Variants in FNIP2 observed in about 807,000 individuals in gnomAD.
FNIP2 encodes folliculin interacting protein 2.
In FNIP2, 32 loss-of-function variants were observed where a neutral mutation model predicts 108.7. The ratio of observed to expected loss-of-function variants is 0.29; its 90% CI spans 0.22 to 0.40. FNIP2 has a LOEUF of 0.40. FNIP2 is among the 10% of genes least tolerant of loss of function. The probability of loss-of-function intolerance (pLI) is 1.00; values close to 1 mark genes in which losing one functional copy is unlikely to be tolerated. For missense variants in FNIP2, 1,202 were observed against 1,381.6 expected, an observed-to-expected ratio of 0.87 and a Z score of 2.06; for synonymous variants, 480 against 496.7, an observed-to-expected ratio of 0.97 and a Z score of 0.45.
At chr4:158,799,224 A>G (rs922958734) in intron 1 of FNIP2, among the ~76,000 whole-genome samples, 1 of 152,226 alleles carries the variant, frequency 6.6e-6, no homozygotes, top group Non-Finnish European at 1.5e-5. Context: ...CTGCTGAGGA[A>G]TCCAGGCATC....
At chr4:158,871,527 G>A in intron 14 of FNIP2, 1 of 985,180 alleles carries the variant, frequency 1.0e-6, no homozygotes, top group Non-Finnish European at 1.2e-6. Context: ...TGTGAAGTGG[G>A]AAAAAAACTC....
rs368686678 is a variant in FNIP2 at position 158,832,007 on chromosome 4, T to C, written c.482+46T>C. 1.7e-4 allele frequency: 272 copies of C among 1,596,080 alleles called. No homozygotes were observed. In the Middle Eastern group the frequency reaches 2.1e-3, roughly 13 times the overall value. ...CTACTAGTTTTGAGAAGTGGAACGGTGGTATTGACTCCTTAACTCATAAAT... is the reference window on the plus strand; with the variant it reads ...CTACTAGTTTTGAGAAGTGGAACGGCGGTATTGACTCCTTAACTCATAAAT... On this transcript the variant is annotated intron_variant, in intron 4 of 16. Transcript: ENST00000264433.
chr4:158,859,224 C>A lies in FNIP2; in HGVS notation c.1025C>A (p.Ser342Tyr). 6.2e-7 allele frequency: 1 copy of A among 1,611,366 alleles called. No individual in the cohort carries two copies. The highest frequency in any genetic ancestry group is 8.5e-7 in the Non-Finnish European group (1 of 1,178,514). Residue 342 changes from serine (S) to tyrosine (Y), a missense_variant, in exon 9 of 17, where the codon TCT becomes TAT. Ser to Tyr is a moderately radical substitution (Grantham distance 144). This residue lies in a region of FNIP2 where 878 missense variants were observed against 990.3 expected (regional missense o/e 0.89). Coordinates refer to ENST00000264433, the MANE Select transcript of FNIP2 (RefSeq NM_020840.3). ...TTTTCTCATTTTCCCCTGTTTGAAT[C>A]TCACATGAACAGGCTGAAGAGTGCA... ...FFFSHFPLFE[S>Y]HMNRLKSAIE...
intron 14 of FNIP2, among the ~76,000 whole-genome samples, chr4:158,875,522 A>ATATATG (rs1186698365): frequency 4.3e-5 from 3 of 69,330 alleles, no homozygotes; most frequent in Non-Finnish European, 8.0e-5. Context: ...TGTGATATAT[A>ATATATG]TATATATATA....
chr4:158,789,984 A>C (rs1273914700), intron 1 of FNIP2, among the ~76,000 whole-genome samples: 1 of 152,146 alleles, frequency 6.6e-6, no homozygotes, highest in Non-Finnish European at 1.5e-5. Flanking sequence ...GAGCATTGAC[A>C]TGACACGTCA....
At chr4:158,862,404 G>A (rs1780346921) in intron 12 of FNIP2, among the ~76,000 whole-genome samples, 2 of 152,246 alleles carry the variant, frequency 1.3e-5, no homozygotes, top group African/African-American at 2.4e-5. Flanking sequence ...GCTCTTGGTC[G>A]TGAGATGTAT....
chr4:158,907,136 GT>G lies in FNIP2; in HGVS notation c.*2594del, dbSNP rs1729911651. On this transcript the variant is annotated 3_prime_UTR_variant, in exon 17 of 17. Transcript: ENST00000264433. ...CCTGTGATGGACCTCTTTCTAGCATGTTGCAGTTTTATTTTTAATAAATTGG... is the reference window on the plus strand; with the variant it reads ...CCTGTGATGGACCTCTTTCTAGCATGTGCAGTTTTATTTTTAATAAATTGG... 6.6e-6 allele frequency: 1 copy of G among 152,158 alleles called. No individual in the cohort carries two copies. The highest frequency in any genetic ancestry group is 2.4e-5 in the African/African-American group (1 of 41,448). The allele number at this position is 152,158 out of a possible 1,614,324, so 9.4% of individuals were successfully genotyped here. A position where few individuals can be genotyped will look rare whatever the true frequency, so the allele number is the denominator to read the frequency against.
Position 158,851,417 on chromosome 4 carries a change from C to T in FNIP2, c.824C>T (p.Thr275Ile). The T allele has an allele frequency of 1.2e-6, 2 of 1,613,926 alleles. No individual in the cohort carries two copies. Among genetic ancestry groups the T allele is most frequent in the Non-Finnish European group, 1.7e-6 (2 of 1,179,864 alleles). The change falls in exon 8 of 17, where the codon ACA (threonine) becomes ATA (isoleucine). Residue 275 changes from threonine (T) to isoleucine (I), a missense_variant. Thr to Ile is a moderately conservative substitution (Grantham distance 89, BLOSUM62 -1). Around this residue, in one of 5 missense-constraint regions of FNIP2, gnomAD observed 878 missense variants for 990.3 expected, o/e 0.89. Transcript: ENST00000264433. ...SYQRRWLRSQ[T>I]TSLENGIIPR... ...CAGCGCCGCTGGCTTCGAAGTCAGA[C>T]AACAAGTTTGGAAAATGGCATCATC...
intron 1 of FNIP2, among the ~76,000 whole-genome samples, chr4:158,822,027 A>G (rs1777910450): frequency 6.6e-6 from 1 of 152,044 alleles, no homozygotes; most frequent in Admixed American, 6.5e-5. Flanking sequence ...GGTTGAGGCT[A>G]TGGTGAACCG....
chr4:158,818,242 C>T (rs1274495586), intron 1 of FNIP2, among the ~76,000 whole-genome samples: 2 of 152,214 alleles, frequency 1.3e-5, no homozygotes, highest in African/African-American at 2.4e-5. Context: ...GTGACCTTTG[C>T]TACCATTTAC....
rs879851784 is a variant in FNIP2 at position 158,873,145 on chromosome 4, T to TA, written c.2949+2689dup. On this transcript the variant is annotated intron_variant, in intron 14 of 16. Coordinates refer to ENST00000264433, the MANE Select transcript of FNIP2 (RefSeq NM_020840.3). ...CTTCATCTCAAAAATAAAATAGCGT[T>TA]AAAAAAAAAAAAAGAAAAAACAAAC... Among the ~76,000 whole-genome samples, 422 of 140,028 alleles carry TA rather than the reference T, an allele frequency of 3.0e-3. 3 individuals carry two copies. The highest frequency in any genetic ancestry group is 0.011 in the Middle Eastern group (3 of 272). 91.9% of individuals were successfully genotyped at this position (140,028 alleles called of 152,430 possible). A position where few individuals can be genotyped will look rare whatever the true frequency, so the allele number is the denominator to read the frequency against.
chr4:158,826,755 G>A (rs1041715267), intron 2 of FNIP2, among the ~76,000 whole-genome samples: 4 of 152,082 alleles, frequency 2.6e-5, no homozygotes, highest in African/African-American at 7.2e-5. Flanking sequence ...TCCTTTCTGG[G>A]TCTTTTTTGG....
chr4:158,807,055 T>C (rs1777007132), intron 1 of FNIP2, among the ~76,000 whole-genome samples: 1 of 152,226 alleles, frequency 6.6e-6, no homozygotes, highest in East Asian at 1.9e-4. Flanking sequence ...TTATTAGTGG[T>C]ACTTAATTGA....
At chr4:158,822,036 C>T (rs924456071) in intron 1 of FNIP2, among the ~76,000 whole-genome samples, 4 of 152,016 alleles carry the variant, frequency 2.6e-5, no homozygotes, top group East Asian at 1.9e-4. Flanking sequence ...TATGGTGAAC[C>T]GAGATGGCGC....
intron 14 of FNIP2, among the ~76,000 whole-genome samples, chr4:158,882,625 T>C (rs1330997062): frequency 2.6e-5 from 4 of 152,234 alleles, no homozygotes; most frequent in African/African-American, 9.6e-5. Flanking sequence ...GAAGTAGATA[T>C]AGGAGACTCC....
Position 158,868,887 on chromosome 4 carries a change from G to A in FNIP2, c.2251G>A (p.Ala751Thr). Residue 751 changes from alanine (A) to threonine (T), a missense_variant, in exon 13 of 17, where the codon GCC becomes ACC. Transcript: ENST00000264433. The surrounding 1 kb of genome is among the most constrained non-coding windows in gnomAD (Gnocchi z 4.6). ...GAAGGCCTGTGGCCCCTCCTTGGAG[G>A]CCAGTGAGGCTGCTGATGTGGCTCA... ...RVKACGPSLE[A>T]SEAADVAQDP... 1 of 1,614,014 alleles carries A rather than the reference G, an allele frequency of 6.2e-7. No homozygotes were observed. Among genetic ancestry groups the A allele is most frequent in the Admixed American group, 1.7e-5 (1 of 60,034 alleles).
At chr4:158,872,910 A>G (rs1012002435) in intron 14 of FNIP2, among the ~76,000 whole-genome samples, 12 of 152,192 alleles carry the variant, frequency 7.9e-5, no homozygotes, top group African/African-American at 2.9e-4. Flanking sequence ...GAGATCCAAA[A>G]ACAAGTATAT....
chr4:158,890,419 T>C, intron 14 of FNIP2: 5 of 914,562 alleles, frequency 5.5e-6, no homozygotes, highest in Non-Finnish European at 6.5e-6. Flanking sequence ...CCACTCTCTT[T>C]CCCATTTGTG....
chr4:158,868,445 G>T lies in FNIP2; in HGVS notation c.1809G>T (p.Glu603Asp). The T allele has an allele frequency of 6.2e-6, 10 of 1,614,018 alleles. No homozygotes were observed. Among genetic ancestry groups the T allele is most frequent in the Non-Finnish European group, 8.5e-6 (10 of 1,179,888 alleles). ...PWPTGFPECP[E>D]GTDSRDLGLK... Reference sequence around the variant, plus strand: ...CGACAGGGTTTCCTGAGTGCCCAGAGGGCACTGACAGTAGAGACCTGGGTC... The same window carrying T: ...CGACAGGGTTTCCTGAGTGCCCAGATGGCACTGACAGTAGAGACCTGGGTC... Residue 603 changes from glutamate (E) to aspartate (D), a missense_variant, in exon 13 of 17, where the codon GAG (glutamate) becomes GAT (aspartate). Physicochemically the swap from Glu to Asp is conservative, Grantham distance 45 (BLOSUM62 2). Coordinates refer to ENST00000264433, the MANE Select transcript of FNIP2 (RefSeq NM_020840.3). The surrounding 1 kb of genome is among the most constrained non-coding windows in gnomAD (Gnocchi z 4.6).
Sources: allele counts gnomAD v4.1 joint callset (sites outside exome capture counted in the v4.1 genomes callset), GRCh38; gene constraint gnomAD v4.1.1; regional missense constraint gnomAD v4.1.1; non-coding constraint Gnocchi (gnomAD v3.1); transcripts MANE v1.5; gene names NCBI Gene and HGNC (gene_info 2026-07-23, HGNC 2026-07-21).